Variants in PCNT observed in about 807,000 individuals in gnomAD.
The protein encoded by PCNT is kendrin.
PCNT carries 319 observed loss-of-function variants against 380.4 expected under a neutral mutation model. The observed-to-expected ratio is 0.84, with a 90% confidence interval of 0.77 to 0.92. PCNT has a LOEUF of 0.92. Among genes scored for constraint, PCNT ranks in the 40% least tolerant of loss-of-function variants. PCNT has a pLI of 0.00. For synonymous variants in PCNT, 1,845 were observed against 1,735.2 expected (o/e 1.06, Z -1.57); for missense variants, 4,400 against 4,255.3 (o/e 1.03, Z -0.95).
chr21:46,336,436 G>A (rs982159763), intron 3 of PCNT, among the ~76,000 whole-genome samples: 3 of 152,198 alleles, frequency 2.0e-5, no homozygotes, highest in African/African-American at 7.2e-5. Context: ...GTATGGTGGT[G>A]CCATCACAGC....
intron 12 of PCNT, 36 bp from the exon 13 acceptor site, chr21:46,356,938 C>T (rs756166078): frequency 4.0e-5 from 64 of 1,593,604 alleles, no homozygotes; most frequent in African/African-American, 5.4e-5. Context: ...GGGCCGGCAC[C>T]GGCCTGACTG....
At chr21:46,371,708 C>T (rs893131950) in intron 15 of PCNT, among the ~76,000 whole-genome samples, 2 of 152,238 alleles carry the variant, frequency 1.3e-5, no homozygotes, top group African/African-American at 4.8e-5. Context: ...GCAAGGTCTC[C>T]CCACTTGTGG....
rs1261101719 is a variant in PCNT at position 46,431,758 on chromosome 21, G to GGCTCCTGACCGAGCA, written c.8298_8312dup (p.Leu2767_Leu2771dup). On this transcript the variant is annotated inframe_insertion, in exon 38 of 47. Transcript: ENST00000359568. ...CTGTCAGAGGCCTTGCGGCACGAGC[G>GGCTCCTGACCGAGCA]GCTCCTGACCGAGCAGCTGAGCCAG... 6.2e-7 allele frequency: 1 copy of GGCTCCTGACCGAGCA among 1,612,550 alleles called. No homozygotes were observed. The highest frequency in any genetic ancestry group is 8.5e-7 in the Non-Finnish European group (1 of 1,179,970).
intron 25 of PCNT, among the ~76,000 whole-genome samples, chr21:46,400,245 T>G (rs1380157315): frequency 6.6e-6 from 1 of 152,078 alleles, no homozygotes; most frequent in Non-Finnish European, 1.5e-5. Context: ...TTGTGTGTGT[T>G]CGTTTGTGTC....
At chr21:46,435,873 G>C in intron 38 of PCNT, 31 bp from the exon 39 acceptor site, 9 of 1,613,696 alleles carry the variant, frequency 5.6e-6, no homozygotes, top group Non-Finnish European at 7.6e-6. Flanking sequence ...TGACGTGAAC[G>C]TCTTCTCTGT....
At chr21:46,341,471 C>T (rs761595753) in intron 3 of PCNT, among the ~76,000 whole-genome samples, 16 of 151,840 alleles carry the variant, frequency 1.1e-4, no homozygotes, top group African/African-American at 2.7e-4. Context: ...TCCCTAGACA[C>T]GTTTTAATAT....
chr21:46,402,203 C>A, intron 26 of PCNT, 128 bp from the exon 27 acceptor site: 1 of 644,396 alleles, frequency 1.6e-6, no homozygotes, highest in Non-Finnish European at 2.6e-6. Context: ...GGTACAGGTA[C>A]AGGGTAGTAA....
Position 46,412,839 on chromosome 21 carries a change from T to C in PCNT, c.5997T>C (p.Gly1999=), listed in dbSNP as rs146997824. 5.7e-5 allele frequency: 92 copies of C among 1,611,290 alleles called. No individual in the cohort carries two copies. In the African/African-American group the frequency reaches 1.2e-3, roughly 20 times the overall value. ...TTTCCTCTGTCTCCTCTGTCAAGGGTGATCTGCAGCCTGTCCTGGTGACGT... is the reference window on the plus strand; with the variant it reads ...TTTCCTCTGTCTCCTCTGTCAAGGGCGATCTGCAGCCTGTCCTGGTGACGT... ...ALEPVVPDPQ[G]DLQPVLVTLK... Residue 1999 remains glycine, a splice_region_variant and synonymous_variant, in exon 29 of 47, where the codon GGT becomes GGC. Transcript: ENST00000359568.
chr21:46,347,477 C>T lies in PCNT; in HGVS notation c.997C>T (p.Gln333Ter). ...TGCAGCTGAGCTGAAGGAGAAGTTA[C>T]AATCAGAAATGGAGAAAAACGCCCA... Reference protein sequence around the residue: ...QEAAELKEKLQSEMEKNAQIV... With the variant: ...QEAAELKEKL The change falls in exon 6 of 47, where the codon CAA becomes TAA. Residue 333 changes from glutamine (Q) to a stop codon, truncating the protein, a stop_gained. Transcript: ENST00000359568. LOFTEE classifies it high-confidence loss of function. 4 of 1,599,610 alleles carry T rather than the reference C, an allele frequency of 2.5e-6. No individual in the cohort carries two copies. The highest frequency in any genetic ancestry group is 1.1e-5 in the South Asian group (1 of 90,832).
chr21:46,377,527 A>G (rs933017556), intron 15 of PCNT, among the ~76,000 whole-genome samples: 4 of 152,192 alleles, frequency 2.6e-5, no homozygotes, highest in African/African-American at 9.7e-5. Flanking sequence ...AGAATCTGTC[A>G]TCACTTATCT....
At chr21:46,385,212 C>T (rs906161369) in intron 16 of PCNT, among the ~76,000 whole-genome samples, 4 of 152,016 alleles carry the variant, frequency 2.6e-5, no homozygotes, top group Admixed American at 6.6e-5. Flanking sequence ...AAAAATTAGC[C>T]GTGTGTGGTG....
rs376233870 is a variant in PCNT at position 46,393,478 on chromosome 21, C to T, written c.4216+2102C>T. 3.4e-4 allele frequency among the ~76,000 whole-genome samples: 51 copies of T among 152,228 alleles called. 1 individual carries two copies. In the East Asian group the frequency reaches 8.4e-3, roughly 25 times the overall value. ...GGCAGCCTCATGGTCGGGCCCCTCC[C>T]TGTAGACTCTGCTGCCCCATTTCCA... On this transcript the variant is annotated intron_variant, in intron 21 of 46. Transcript: ENST00000359568.
At position 46,366,820 on chromosome 21, in the gene PCNT, T is replaced by C. The variant is rs1331148874; in HGVS notation, c.2846T>C (p.Leu949Pro). Residue 949 changes from leucine (L) to proline (P), a missense_variant, in exon 15 of 47, where the codon CTG becomes CCG. By Grantham distance (98) the Leu-to-Pro change is moderately conservative (BLOSUM62 -3). Transcript: ENST00000359568. ...CTGCTGGCTGCACGTGTGGCCGAACTGCAGACAAAACACGCTGCCGACCTC... is the reference window on the plus strand; with the variant it reads ...CTGCTGGCTGCACGTGTGGCCGAACCGCAGACAAAACACGCTGCCGACCTC... The part of the protein sequence containing the change: ...GALLAARVAE[L>P]QTKHAADLGA... 1 of 1,613,960 alleles carries C rather than the reference T, an allele frequency of 6.2e-7. No homozygotes were observed. Among genetic ancestry groups the C allele is most frequent in the South Asian group, 1.1e-5 (1 of 91,082 alleles).
chr21:46,352,594 T>C (rs1192744335), intron 9 of PCNT, among the ~76,000 whole-genome samples: 4 of 152,154 alleles, frequency 2.6e-5, no homozygotes, highest in Middle Eastern at 3.2e-3. Flanking sequence ...AGACAAGTTC[T>C]TTTAGGGTCC....
At chr21:46,329,517 T>A (rs957429572) in intron 2 of PCNT, among the ~76,000 whole-genome samples, 1 of 152,122 alleles carries the variant, frequency 6.6e-6, no homozygotes, top group Admixed American at 6.6e-5. Flanking sequence ...TAATAAAACA[T>A]GTATTTTGGA....
rs370027289 is a variant in PCNT at position 46,399,646 on chromosome 21, T to C, written c.4641T>C (p.Ala1547=). The C allele has an allele frequency of 1.9e-6, 3 of 1,613,888 alleles. No homozygotes were observed. Among genetic ancestry groups the C allele is most frequent in the Non-Finnish European group, 2.5e-6 (3 of 1,179,858 alleles). The change falls in exon 25 of 47, where the codon GCT becomes GCC. Residue 1547 remains alanine (A), a synonymous_variant. Transcript: ENST00000359568. ...AGTTGGATGAATTTAATGAATTGGC[T>C]ATACAGAAAGAGTCGGCAGATAGAC... ...REKLDEFNEL[A]IQKESADRQV...
intron 2 of PCNT, among the ~76,000 whole-genome samples, chr21:46,329,411 G>A (rs146980293): frequency 6.6e-6 from 1 of 152,174 alleles, no homozygotes; most frequent in African/African-American, 2.4e-5. Context: ...TAGAGTTGTT[G>A]GTTTTTTCGT....
chr21:46,393,605 G>T (rs769834168), intron 21 of PCNT, among the ~76,000 whole-genome samples: 1 of 152,170 alleles, frequency 6.6e-6, no homozygotes, highest in African/African-American at 2.4e-5. Flanking sequence ...CAGTCACTTC[G>T]TTTGTCAGGC....
chr21:46,381,812 T>G lies in PCNT; in HGVS notation c.3284T>G (p.Leu1095Arg). 6.2e-7 allele frequency: 1 copy of G among 1,614,244 alleles called. No individual in the cohort carries two copies. The highest frequency in any genetic ancestry group is 8.5e-7 in the Non-Finnish European group (1 of 1,180,038). ...QEEKESLSLQ[L>R]QKKNHQVQQL... The stretch of plus-strand genomic sequence containing the variant: ...GAGAAAGAGTCTTTGTCTCTGCAGC[T>G]TCAAAAGAAGAATCACCAAGTCCAG... Residue 1095 changes from leucine (L) to arginine (R), a missense_variant, in exon 16 of 47, where the codon CTT (leucine) becomes CGT (arginine). Physicochemically the swap from Leu to Arg is moderately radical, Grantham distance 102 (BLOSUM62 -2). Transcript: ENST00000359568.
Sources: gnomAD v4.1 joint callset for allele counts (sites outside exome capture counted in the v4.1 genomes callset) on GRCh38, gnomAD v4.1.1 for gene constraint, MANE v1.5 for transcripts, NCBI Gene and HGNC (gene_info 2026-07-23, HGNC 2026-07-21) for gene names.